CLSTN2: variants seen among roughly 807,000 people sequenced by gnomAD.
CLSTN2 encodes the protein calsyntenin-2.
CLSTN2 carries 48 observed loss-of-function variants against 101.2 expected under a neutral mutation model. The ratio of observed to expected loss-of-function variants is 0.47; its 90% CI spans 0.38 to 0.60. CLSTN2 has a LOEUF of 0.60. Ranked by LOEUF, CLSTN2 falls within the 20% of genes least tolerant of loss-of-function variation. The pLI is 0.00. For synonymous variants in CLSTN2, 481 were observed against 463.6 expected, an observed-to-expected ratio of 1.04 and a Z score of -0.48; for missense variants, 1,160 against 1,238.2, an observed-to-expected ratio of 0.94 and a Z score of 0.95.
At chr3:140,312,738 GA>G in intron 2 of CLSTN2, among the ~76,000 whole-genome samples, 1 of 152,260 alleles carries the variant, frequency 6.6e-6, no homozygotes, top group South Asian at 2.1e-4. Flanking sequence ...TTGAGTCAAG[GA>G]AAAAATTGGA....
intron 1 of CLSTN2, among the ~76,000 whole-genome samples, chr3:140,081,481 CTG>C (rs1201394533): frequency 1.3e-5 from 2 of 152,196 alleles, no homozygotes; most frequent in African/African-American, 4.8e-5. Context: ...AAAATGCAAA[CTG>C]TGACATGAGG....
At chr3:140,346,032 G>A (rs184254606) in intron 2 of CLSTN2, among the ~76,000 whole-genome samples, 121 of 152,312 alleles carry the variant, frequency 7.9e-4, no homozygotes, top group Middle Eastern at 3.4e-3. Flanking sequence ...AGAAGTGAGT[G>A]GAGAGATTCA....
At chr3:140,193,721 A>AT (rs545290712) in intron 2 of CLSTN2, among the ~76,000 whole-genome samples, 6 of 151,624 alleles carry the variant, frequency 4.0e-5, no homozygotes, top group South Asian at 2.1e-4. Flanking sequence ...TGCTTTGAGG[A>AT]TTTTTTTTAG....
At chr3:140,392,464 A>G (rs1176961206) in intron 2 of CLSTN2, among the ~76,000 whole-genome samples, 1 of 152,122 alleles carries the variant, frequency 6.6e-6, no homozygotes, top group African/African-American at 2.4e-5. Context: ...TTTATAGTTG[A>G]AAAATTGATT....
At chr3:140,237,067 T>C (rs1280854834) in intron 2 of CLSTN2, among the ~76,000 whole-genome samples, 6 of 152,194 alleles carry the variant, frequency 3.9e-5, no homozygotes, top group Admixed American at 2.0e-4. Context: ...TAATTTTTTA[T>C]TGGATTCTGG....
At chr3:140,383,864 T>A (rs934536555) in intron 2 of CLSTN2, among the ~76,000 whole-genome samples, 1 of 152,234 alleles carries the variant, frequency 6.6e-6, no homozygotes, top group Non-Finnish European at 1.5e-5. Flanking sequence ...CCTATTAGCA[T>A]TGCTGGTCTG....
At chr3:140,332,519 C>T (rs1315593045) in intron 2 of CLSTN2, among the ~76,000 whole-genome samples, 3 of 152,008 alleles carry the variant, frequency 2.0e-5, no homozygotes, top group Non-Finnish European at 2.9e-5. Context: ...ATATGGATTG[C>T]TATTTGTTTT....
At chr3:140,323,865 G>T (rs1223662160) in intron 2 of CLSTN2, among the ~76,000 whole-genome samples, 1 of 152,202 alleles carries the variant, frequency 6.6e-6, no homozygotes, top group South Asian at 2.1e-4. Flanking sequence ...TCCAGCATGG[G>T]CTTCTGTCCT....
chr3:140,189,487 T>C (rs2010529847), intron 2 of CLSTN2, among the ~76,000 whole-genome samples: 1 of 152,236 alleles, frequency 6.6e-6, no homozygotes, highest in African/African-American at 2.4e-5. Flanking sequence ...TTTGCATTTC[T>C]CTAATGGCTG....
chr3:140,204,280 G>A (rs1298477996), intron 2 of CLSTN2, among the ~76,000 whole-genome samples: 1 of 152,168 alleles, frequency 6.6e-6, no homozygotes, highest in African/African-American at 2.4e-5. Context: ...AGGCAGGGCA[G>A]GGCACTACCC....
At chr3:140,069,090 A>G (rs574629601) in intron 1 of CLSTN2, among the ~76,000 whole-genome samples, 1 of 152,334 alleles carries the variant, frequency 6.6e-6, no homozygotes, top group East Asian at 1.9e-4. Flanking sequence ...AATGTCAGTG[A>G]GAGAGTCTTC....
chr3:140,127,621 T>G (rs1004013021), intron 1 of CLSTN2, among the ~76,000 whole-genome samples: 1 of 152,166 alleles, frequency 6.6e-6, no homozygotes, highest in Non-Finnish European at 1.5e-5. Context: ...ATCACAGCTC[T>G]TGGGCCCTTC....
In CLSTN2 at chr3:140,448,209, CTG is replaced by C. The variant is rs55857773; in HGVS notation, c.788-277_788-276del. The stretch of plus-strand genomic sequence containing the variant: ...GGCTGGTATATGTTTGAGGGTGTGA[CTG>C]TGTGTGTGTGTGTGTGTGTGTGTGT... On this transcript the variant is annotated intron_variant, in intron 5 of 16. Transcript: ENST00000458420. 9.6e-3 allele frequency among the ~76,000 whole-genome samples: 1,417 copies of C among 148,366 alleles called. 14 individuals are homozygous for C. The highest frequency in any genetic ancestry group is 0.018 in the South Asian group (83 of 4,588).
At chr3:140,234,261 T>C (rs982655838) in intron 2 of CLSTN2, among the ~76,000 whole-genome samples, 2 of 152,198 alleles carry the variant, frequency 1.3e-5, no homozygotes, top group Non-Finnish European at 2.9e-5. Flanking sequence ...GATCTTCAAA[T>C]ACAAATACCA....
At chr3:139,945,025 C>T (rs1322405286) in intron 1 of CLSTN2, among the ~76,000 whole-genome samples, 2 of 152,120 alleles carry the variant, frequency 1.3e-5, no homozygotes, top group African/African-American at 4.8e-5. Context: ...TAACATTTGA[C>T]TTATTTCTAT....
intron 1 of CLSTN2, among the ~76,000 whole-genome samples, chr3:139,995,191 A>C (rs984432091): frequency 4.9e-4 from 74 of 152,282 alleles, no homozygotes; most frequent in African/African-American, 1.7e-3. Flanking sequence ...CATTGGAGGA[A>C]TCACATTTCC....
intron 8 of CLSTN2, among the ~76,000 whole-genome samples, chr3:140,529,670 T>C (rs1935214537): frequency 1.3e-5 from 2 of 152,170 alleles, no homozygotes; most frequent in African/African-American, 4.8e-5. Flanking sequence ...CTGTCACAGA[T>C]TACTTGGTGG....
At chr3:140,136,129 T>G (rs1175774834) in intron 1 of CLSTN2, among the ~76,000 whole-genome samples, 1 of 152,184 alleles carries the variant, frequency 6.6e-6, no homozygotes, top group Non-Finnish European at 1.5e-5. Context: ...TTTGGATGGA[T>G]AGCAGTGCTC....
intron 2 of CLSTN2, among the ~76,000 whole-genome samples, chr3:140,336,142 C>T (rs1018664198): frequency 6.6e-6 from 1 of 152,192 alleles, no homozygotes; most frequent in Non-Finnish European, 1.5e-5. Context: ...ATACTGGTGA[C>T]TCAGGTTATT....
Sources: allele counts gnomAD v4.1 joint callset (sites outside exome capture counted in the v4.1 genomes callset), GRCh38; gene constraint gnomAD v4.1.1; transcripts MANE v1.5; gene names NCBI Gene and HGNC (gene_info 2026-07-23, HGNC 2026-07-21).